Variants in FOXP1 observed in about 807,000 individuals in gnomAD.
FOXP1 encodes the protein forkhead box P1.
FOXP1 carries 15 observed loss-of-function variants against 98.2 expected under a neutral mutation model. The observed-to-expected ratio is 0.15, with a 90% CI of 0.10 to 0.24. FOXP1 has a LOEUF of 0.24. Ranked by LOEUF, FOXP1 falls within the 10% of genes least tolerant of loss-of-function variation. FOXP1 has a pLI of 1.00. For synonymous variants in FOXP1, 371 were observed against 314.5 expected (o/e 1.18, Z -1.90); for missense variants, 633 against 848.5 (o/e 0.75, Z 3.15).
At chr3:71,406,399 GTA>G (rs1328121401) in intron 3 of FOXP1, among the ~76,000 whole-genome samples, 1 of 56,052 alleles carries the variant, frequency 1.8e-5, no homozygotes, top group Non-Finnish European at 5.7e-5. Context: ...CATAATAACT[GTA>G]TGTGTATATA....
At chr3:71,228,124 C>T (rs901383218) in intron 5 of FOXP1, among the ~76,000 whole-genome samples, 2 of 152,030 alleles carry the variant, frequency 1.3e-5, no homozygotes, top group African/African-American at 4.8e-5. Flanking sequence ...CAGCAGTTAC[C>T]ATCAGCAAAC....
At chr3:70,966,670 C>G (rs995616017) in intron 19 of FOXP1, among the ~76,000 whole-genome samples, 1 of 152,150 alleles carries the variant, frequency 6.6e-6, no homozygotes, top group Non-Finnish European at 1.5e-5. Flanking sequence ...CGTAGTGTTT[C>G]AGAGTCCGAC....
chr3:71,081,546 C>G (rs987111287), intron 7 of FOXP1, among the ~76,000 whole-genome samples: 1 of 152,016 alleles, frequency 6.6e-6, no homozygotes, highest in Non-Finnish European at 1.5e-5. Flanking sequence ...TTGCTTCACG[C>G]CACCAGACAA....
At chr3:71,186,110 A>G (rs1576278696) in intron 6 of FOXP1, among the ~76,000 whole-genome samples, 1 of 152,196 alleles carries the variant, frequency 6.6e-6, no homozygotes, top group African/African-American at 2.4e-5. Context: ...ACTGAGAATA[A>G]TATATTTTTA....
intron 6 of FOXP1, among the ~76,000 whole-genome samples, chr3:71,171,620 C>T (rs534020223): frequency 3.6e-4 from 55 of 152,356 alleles, no homozygotes; most frequent in African/African-American, 1.3e-3. Flanking sequence ...CAGTACACTG[C>T]TTTTGCATTA....
chr3:71,043,715 G>T (rs973786356), intron 10 of FOXP1, among the ~76,000 whole-genome samples: 1 of 152,190 alleles, frequency 6.6e-6, no homozygotes, highest in Non-Finnish European at 1.5e-5. Context: ...TGGGAGGTGG[G>T]AAGACTAGGA....
chr3:71,317,541 T>C (rs1178878464), intron 4 of FOXP1, among the ~76,000 whole-genome samples: 1 of 152,364 alleles, frequency 6.6e-6, no homozygotes, highest in South Asian at 2.1e-4. Flanking sequence ...ATTTTCCTTT[T>C]GGGAAAGCAA....
chr3:71,100,834 G>A (rs1033405944), intron 7 of FOXP1, among the ~76,000 whole-genome samples: 5 of 152,078 alleles, frequency 3.3e-5, no homozygotes, highest in Admixed American at 6.5e-5. Flanking sequence ...ACTTCTTCTC[G>A]GGACATCTAA....
chr3:71,427,143 T>C (rs2084236214), intron 3 of FOXP1, among the ~76,000 whole-genome samples: 1 of 152,070 alleles, frequency 6.6e-6, no homozygotes, highest in South Asian at 2.1e-4. Context: ...TTGGTTTATT[T>C]ATTATTTGAC....
At chr3:71,172,397 T>C (rs893715647) in intron 6 of FOXP1, among the ~76,000 whole-genome samples, 3 of 152,184 alleles carry the variant, frequency 2.0e-5, no homozygotes, top group African/African-American at 4.8e-5. Context: ...TTTCAAAATA[T>C]GTGAGAGTCT....
intron 17 of FOXP1, among the ~76,000 whole-genome samples, chr3:70,975,667 TTTG>T (rs1372397757): frequency 2.0e-5 from 3 of 152,226 alleles, no homozygotes; most frequent in African/African-American, 4.8e-5. Flanking sequence ...GCCTCAAATG[TTTG>T]TTATCACATG....
At chr3:70,990,699 T>A (rs1238873139) in intron 13 of FOXP1, among the ~76,000 whole-genome samples, 1 of 152,138 alleles carries the variant, frequency 6.6e-6, no homozygotes, top group East Asian at 1.9e-4. Flanking sequence ...ACTTTCCCAG[T>A]GGGTATGGAA....
chr3:71,141,656 G>A (rs1214430996), intron 6 of FOXP1, among the ~76,000 whole-genome samples: 1 of 152,154 alleles, frequency 6.6e-6, no homozygotes, highest in African/African-American at 2.4e-5. Context: ...GGGCCTAGGA[G>A]GGAGAACAAG....
chr3:71,365,451 C>CAA (rs1209204141), intron 3 of FOXP1, among the ~76,000 whole-genome samples: 9 of 80,200 alleles, frequency 1.1e-4, no homozygotes, highest in Admixed American at 1.4e-4. Flanking sequence ...TTGCAACAAC[C>CAA]AAAAAAAAAA....
chr3:71,469,593 A>C (rs1560529401), intron 3 of FOXP1, among the ~76,000 whole-genome samples: 2 of 152,198 alleles, frequency 1.3e-5, no homozygotes, highest in Non-Finnish European at 2.9e-5. Flanking sequence ...GACTTAGCCC[A>C]CACAGAAATT....
intron 3 of FOXP1, among the ~76,000 whole-genome samples, chr3:71,377,276 C>T (rs1166607024): frequency 6.6e-6 from 1 of 152,186 alleles, no homozygotes; most frequent in African/African-American, 2.4e-5. Context: ...GCGCTGTTTA[C>T]TCCCAGAATT....
chr3:71,240,140 G>GC (rs1298966350), intron 5 of FOXP1, among the ~76,000 whole-genome samples: 1 of 152,256 alleles, frequency 6.6e-6, no homozygotes, highest in Non-Finnish European at 1.5e-5. Context: ...GTAGCCTGCA[G>GC]CAGAGTCAAA....
At chr3:71,017,234 G>A (rs1383059627) in intron 11 of FOXP1, among the ~76,000 whole-genome samples, 2 of 151,972 alleles carry the variant, frequency 1.3e-5, no homozygotes, top group East Asian at 3.9e-4. Context: ...TCAGATCTGT[G>A]AATGAATAAA....
intron 2 of FOXP1, among the ~76,000 whole-genome samples, chr3:71,543,754 CTGTG>C (rs2045091801): frequency 6.6e-6 from 1 of 152,230 alleles, no homozygotes; most frequent in African/African-American, 2.4e-5. Context: ...CCCTCTACTT[CTGTG>C]CCTGGAGCAG....
Sources: allele counts gnomAD v4.1 joint callset (sites outside exome capture counted in the v4.1 genomes callset), GRCh38; gene constraint gnomAD v4.1.1; transcripts MANE v1.5; gene names NCBI Gene and HGNC (gene_info 2026-07-23, HGNC 2026-07-21).